NLN: variants seen among roughly 807,000 people sequenced by gnomAD.
The protein encoded by NLN is neurolysin, mitochondrial.
In NLN, 64 loss-of-function variants were observed where a neutral mutation model predicts 79.9. The observed-to-expected ratio is 0.80, with a 90% CI of 0.65 to 0.99. The LOEUF is 0.99. Among genes scored for constraint, NLN ranks in the 50% least tolerant of loss-of-function variants. The pLI is 0.00. For missense variants in NLN, 835 were observed against 858.7 expected (o/e 0.97, Z 0.34); for synonymous variants, 267 against 296.6 (o/e 0.90, Z 1.02).
At chr5:65,754,641 C>G (rs981150013) in intron 1 of NLN, among the ~76,000 whole-genome samples, 11 of 152,152 alleles carry the variant, frequency 7.2e-5, no homozygotes, top group African/African-American at 2.4e-4. Flanking sequence ...CTAAAATCCA[C>G]TGAACCCTGA....
chr5:65,773,514 C>G (rs1398343163), intron 3 of NLN, among the ~76,000 whole-genome samples: 1 of 151,972 alleles, frequency 6.6e-6, no homozygotes, highest in East Asian at 1.9e-4. Flanking sequence ...GTAATTTCTC[C>G]TTTGTATAAT....
chr5:65,794,707 G>T (rs556751437), intron 9 of NLN, among the ~76,000 whole-genome samples: 1 of 152,264 alleles, frequency 6.6e-6, no homozygotes, highest in African/African-American at 2.4e-5. Context: ...CCAGCAGGGG[G>T]TATGAATGAC....
chr5:65,750,853 A>C (rs1184336798), intron 1 of NLN, among the ~76,000 whole-genome samples: 2 of 152,196 alleles, frequency 1.3e-5, no homozygotes, highest in African/African-American at 4.8e-5. Context: ...GGGATTTGGC[A>C]TTGTAGAAAT....
intron 9 of NLN, among the ~76,000 whole-genome samples, chr5:65,808,183 T>G (rs1024738614): frequency 1.3e-5 from 2 of 152,178 alleles, no homozygotes; most frequent in Non-Finnish European, 2.9e-5. Context: ...ATCGGCACAA[T>G]TATAATGAGA....
rs551967195 is a variant in NLN at position 65,753,903 on chromosome 5, C to T, written c.42-4664C>T. On this transcript the variant is annotated intron_variant, in intron 1 of 12. Coordinates refer to ENST00000380985, the MANE Select transcript of NLN (RefSeq NM_020726.5). Reference sequence around the variant, plus strand: ...ACTCTTTCTTAGTGGCCTCTGTTGGCAGAAATAATTATTTTGGAAATTTTC... The same window carrying T: ...ACTCTTTCTTAGTGGCCTCTGTTGGTAGAAATAATTATTTTGGAAATTTTC... Among the ~76,000 whole-genome samples, 20 of 152,230 alleles carry T rather than the reference C, an allele frequency of 1.3e-4. No individual in the cohort carries two copies. The South Asian group carries it at 3.7e-3, about 28-fold the overall frequency.
chr5:65,731,634 A>G (rs1221759525), intron 1 of NLN, among the ~76,000 whole-genome samples: 1 of 151,610 alleles, frequency 6.6e-6, no homozygotes, highest in East Asian at 1.9e-4. Context: ...AAATTTTTAT[A>G]CAGTCAGAAA....
chr5:65,725,094 T>G (rs572341899), intron 1 of NLN, among the ~76,000 whole-genome samples: 4 of 152,202 alleles, frequency 2.6e-5, no homozygotes, highest in Non-Finnish European at 5.9e-5. Flanking sequence ...CGTGAGCCAC[T>G]GCGCCCGGCA....
intron 4 of NLN, among the ~76,000 whole-genome samples, chr5:65,778,679 T>A (rs1759730727): frequency 6.6e-6 from 1 of 152,158 alleles, no homozygotes; most frequent in South Asian, 2.1e-4. Context: ...GCTGCATGGG[T>A]TGGTTTGATC....
chr5:65,813,112 GA>G (rs1760590274), intron 12 of NLN, among the ~76,000 whole-genome samples: 1 of 152,100 alleles, frequency 6.6e-6, no homozygotes, highest in Non-Finnish European at 1.5e-5. Context: ...TCAACCAATA[GA>G]TTTTTTTCTC....
At chr5:65,821,480 A>G (rs979201694) in intron 12 of NLN, among the ~76,000 whole-genome samples, 29 of 152,322 alleles carry the variant, frequency 1.9e-4, no homozygotes, top group Admixed American at 7.2e-4. Context: ...TAATGTGTAT[A>G]TTGACACGTG....
At chr5:65,723,966 T>A (rs2150729645) in intron 1 of NLN, among the ~76,000 whole-genome samples, 1 of 152,006 alleles carries the variant, frequency 6.6e-6, no homozygotes, top group East Asian at 1.9e-4. Context: ...TGGAAAAAAA[T>A]TAAAGTAGTT....
chr5:65,817,300 G>A (rs761536854), intron 12 of NLN, among the ~76,000 whole-genome samples: 2 of 152,020 alleles, frequency 1.3e-5, no homozygotes, highest in Non-Finnish European at 2.9e-5. Flanking sequence ...TTTTCTCAGT[G>A]AACATGAAGT....
In NLN at chr5:65,733,326, C is replaced by T. The variant is rs1206744257; in HGVS notation, c.41+10912C>T. ...GGACTGTCAGATCCAGGACTCCCAA[C>T]TCAGGCTCCTCCTGCCTGCCCTGAG... On this transcript the variant is annotated intron_variant, in intron 1 of 12. Transcript: ENST00000380985. 3 of 1,511,562 alleles carry T rather than the reference C, an allele frequency of 2.0e-6. No homozygotes were observed. The African/African-American group carries it at 4.4e-5, about 22-fold the overall frequency. 93.6% of individuals were successfully genotyped at this position (1,511,562 alleles called of 1,614,324 possible). A position where few individuals can be genotyped will look rare whatever the true frequency, so the allele number is the denominator to read the frequency against.
chr5:65,774,898 T>A (rs1230055489), intron 3 of NLN, among the ~76,000 whole-genome samples: 3 of 151,940 alleles, frequency 2.0e-5, no homozygotes, highest in Non-Finnish European at 4.4e-5. Flanking sequence ...CTGATTTTTG[T>A]ATTTTTAGTA....
At position 65,824,408 on chromosome 5, in the gene NLN, TG is replaced by T. The variant is rs1277394653; in HGVS notation, c.*1494del. ...CCTGAAATCCTACTACCCCCTCTTC[TG>T]AGATAATTTGCCCAGCCCTTCTCTT... On this transcript the variant is annotated 3_prime_UTR_variant, in exon 13 of 13. Coordinates refer to ENST00000380985, the MANE Select transcript of NLN (RefSeq NM_020726.5). 1 of 151,526 alleles carries T rather than the reference TG, an allele frequency of 6.6e-6. No homozygotes were observed. The allele number at this position is 151,526 out of a possible 1,614,324, so 9.4% of individuals were successfully genotyped here.
intron 6 of NLN, among the ~76,000 whole-genome samples, chr5:65,783,717 A>C (rs1759854575): frequency 6.6e-6 from 1 of 151,890 alleles, no homozygotes; most frequent in African/African-American, 2.4e-5. Context: ...AAAAAAAAAA[A>C]AATTCAGAGT....
chr5:65,810,049 T>C lies in NLN; in HGVS notation c.1727T>C (p.Leu576Pro). Residue 576 changes from leucine (L) to proline (P), a missense_variant, in exon 11 of 13, where the codon CTG becomes CCG. Physicochemically the swap from Leu to Pro is moderately conservative, Grantham distance 98. Transcript: ENST00000380985. ...SRLVNTGLLT[L>P]RQIVLSKVDQ... ...CTTATGTTATTAGGTCTTCTGACCC[T>C]GCGCCAGATTGTTTTGAGCAAAGTT... The C allele has an allele frequency of 1.9e-6, 3 of 1,614,082 alleles. No homozygotes were observed. The highest frequency in any genetic ancestry group is 2.5e-6 in the Non-Finnish European group (3 of 1,179,996).
chr5:65,758,883 T>C, intron 2 of NLN, 57 bp downstream of exon 2: 1 of 1,464,686 alleles, frequency 6.8e-7, no homozygotes, highest in Non-Finnish European at 9.4e-7. Context: ...TTAAATCATT[T>C]CATGCTTTCT....
At chr5:65,745,363 C>G (rs1344052367) in intron 1 of NLN, among the ~76,000 whole-genome samples, 2 of 152,108 alleles carry the variant, frequency 1.3e-5, no homozygotes, top group Non-Finnish European at 2.9e-5. Context: ...GGAGTTGCAG[C>G]ATCAGTATAG....
Sources: allele counts gnomAD v4.1 joint callset (sites outside exome capture counted in the v4.1 genomes callset), GRCh38; gene constraint gnomAD v4.1.1; transcripts MANE v1.5; gene names NCBI Gene and HGNC (gene_info 2026-07-23, HGNC 2026-07-21).